Variants in SBF2 observed in about 807,000 individuals in gnomAD.
SBF2 encodes the protein myotubularin-related protein 13.
Under a neutral mutation model 225.2 loss-of-function variants are expected in SBF2, and 112 were observed. The observed-to-expected ratio is 0.50, with a 90% CI of 0.43 to 0.58. SBF2 has a LOEUF of 0.58. SBF2 is among the 20% of genes least tolerant of loss of function. The pLI is 0.00. For missense variants in SBF2, 1,996 were observed against 2,206.2 expected (o/e 0.90, Z 1.91); for synonymous variants, 763 against 773.3 (o/e 0.99, Z 0.22).
chr11:10,190,914 G>A (rs533747244), intron 2 of SBF2, among the ~76,000 whole-genome samples: 5 of 152,160 alleles, frequency 3.3e-5, no homozygotes, highest in Admixed American at 2.6e-4. Flanking sequence ...AAATCTCTCA[G>A]ATCTTGGCTG....
intron 2 of SBF2, among the ~76,000 whole-genome samples, chr11:10,090,122 TTAGAATGGTCAAATTCC>T (rs1951719158): frequency 6.6e-6 from 1 of 152,132 alleles, no homozygotes; most frequent in African/African-American, 2.4e-5. Context: ...TACAAGGTAC[TTAGAATGGTCAAATTCC>T]TAGAGACAGA....
At chr11:10,166,990 A>ACACACAGACACACACACAC (rs1282714502) in intron 2 of SBF2, among the ~76,000 whole-genome samples, 4 of 145,968 alleles carry the variant, frequency 2.7e-5, no homozygotes, top group African/African-American at 1.0e-4. Context: ...CACACACACA[A>ACACACAGACACACACACAC]AAAGGCTACT....
intron 1 of SBF2, among the ~76,000 whole-genome samples, chr11:10,288,035 C>T (rs571873256): frequency 1.4e-4 from 22 of 152,296 alleles, no homozygotes; most frequent in Non-Finnish European, 2.1e-4. Context: ...CTTCCCCGGC[C>T]GGCACCGGGG....
chr11:10,276,065 G>T (rs142505084), intron 1 of SBF2, among the ~76,000 whole-genome samples: 1 of 151,972 alleles, frequency 6.6e-6, no homozygotes, highest in Non-Finnish European at 1.5e-5. Flanking sequence ...AATTTGCATA[G>T]TTTTTTACTT....
chr11:9,815,961 A>C (rs1854434406), intron 29 of SBF2, among the ~76,000 whole-genome samples: 1 of 152,188 alleles, frequency 6.6e-6, no homozygotes. Flanking sequence ...TTAAGGGCCA[A>C]GCATGTGGGA....
chr11:9,921,064 CTTT>C (rs34959264), intron 16 of SBF2, among the ~76,000 whole-genome samples: 15 of 85,894 alleles, frequency 1.7e-4, no homozygotes, highest in Non-Finnish European at 2.4e-4. Context: ...CTGAAAACTT[CTTT>C]TTTTTTTTTT....
chr11:10,040,820 CAAAT>C (rs1243054181), intron 3 of SBF2, among the ~76,000 whole-genome samples: 2 of 151,528 alleles, frequency 1.3e-5, no homozygotes, highest in East Asian at 3.9e-4. Flanking sequence ...AGAAAGACCT[CAAAT>C]AAAACGATGG....
intron 2 of SBF2, among the ~76,000 whole-genome samples, chr11:10,174,400 A>T (rs984294860): frequency 6.6e-6 from 1 of 152,250 alleles, no homozygotes; most frequent in Non-Finnish European, 1.5e-5. Context: ...CAACTGGAAG[A>T]AAGGGTATCA....
At chr11:10,128,404 T>C (rs1303100357) in intron 2 of SBF2, among the ~76,000 whole-genome samples, 2 of 152,234 alleles carry the variant, frequency 1.3e-5, no homozygotes, top group Admixed American at 1.3e-4. Flanking sequence ...ACTCAGATGC[T>C]TACATTACTA....
intron 17 of SBF2, among the ~76,000 whole-genome samples, chr11:9,868,678 T>G (rs1858454728): frequency 6.6e-6 from 1 of 152,238 alleles, no homozygotes; most frequent in Non-Finnish European, 1.5e-5. Flanking sequence ...TCTAGTTTCT[T>G]TTTCCACCTG....
intron 2 of SBF2, among the ~76,000 whole-genome samples, chr11:10,051,599 G>A (rs1194346997): frequency 6.6e-6 from 1 of 151,944 alleles, no homozygotes; most frequent in African/African-American, 2.4e-5. Context: ...TTACGTATGA[G>A]ATCCTCTATT....
At chr11:9,789,403 C>T in intron 34 of SBF2, 61 bp from the exon 35 acceptor site, 1 of 1,195,094 alleles carries the variant, frequency 8.4e-7, no homozygotes. Context: ...AGCTCACTGT[C>T]AGGCAAACCC....
At chr11:10,289,477 C>T (rs990195971) in intron 1 of SBF2, among the ~76,000 whole-genome samples, 2 of 152,120 alleles carry the variant, frequency 1.3e-5, no homozygotes, top group Admixed American at 1.3e-4. Context: ...TCCAGGTCCT[C>T]GCTGGGCCCA....
intron 2 of SBF2, among the ~76,000 whole-genome samples, chr11:10,135,581 C>T (rs1954307075): frequency 6.6e-6 from 1 of 152,170 alleles, no homozygotes; most frequent in African/African-American, 2.4e-5. Flanking sequence ...CTCCCACACC[C>T]TAAATCAACT....
chr11:10,108,304 T>G (rs536256505), intron 2 of SBF2, among the ~76,000 whole-genome samples: 1 of 152,120 alleles, frequency 6.6e-6, no homozygotes, highest in African/African-American at 2.4e-5. Context: ...TCAGACAGTT[T>G]ACAATTAGTT....
chr11:10,258,549 T>A (rs1344642085), intron 1 of SBF2, among the ~76,000 whole-genome samples: 11 of 152,224 alleles, frequency 7.2e-5, no homozygotes, highest in African/African-American at 2.7e-4. Context: ...AAAAAAAATT[T>A]CACATGACCA....
At chr11:9,950,148 TAAA>T (rs35383310) in intron 16 of SBF2, among the ~76,000 whole-genome samples, 1 of 146,182 alleles carries the variant, frequency 6.8e-6, no homozygotes, top group African/African-American at 2.5e-5. Context: ...AAGCAGGGAT[TAAA>T]AAAAAAAAAG....
chr11:9,920,237 T>C (rs929171709), intron 16 of SBF2, among the ~76,000 whole-genome samples: 3 of 151,590 alleles, frequency 2.0e-5, no homozygotes, highest in East Asian at 1.9e-4. Context: ...CATATATGTA[T>C]ATCATATATG....
intron 2 of SBF2, among the ~76,000 whole-genome samples, chr11:10,098,253 T>C (rs1359487004): frequency 3.9e-5 from 6 of 152,062 alleles, no homozygotes; most frequent in South Asian, 2.1e-4. Context: ...ACAATGGACC[T>C]ACCTTTGCAG....
Sources: gnomAD v4.1 joint callset for allele counts (sites outside exome capture counted in the v4.1 genomes callset) on GRCh38, gnomAD v4.1.1 for gene constraint, MANE v1.5 for transcripts, NCBI Gene and HGNC (gene_info 2026-07-23, HGNC 2026-07-21) for gene names.